TAS2R1: variants seen among roughly 807,000 people sequenced by gnomAD.
TAS2R1 encodes the protein taste 2 receptor member 1.
For missense variants in TAS2R1, 370 were observed against 353.4 expected, an observed-to-expected ratio of 1.05 and a Z score of -0.38; for synonymous variants, 141 against 134.2, an observed-to-expected ratio of 1.05 and a Z score of -0.35.
chr5:9,813,899 C>T, the TAS2R1 span, among the ~76,000 whole-genome samples: 1 of 152,166 alleles, frequency 6.6e-6, no homozygotes, highest in South Asian at 2.1e-4. Context: ...TCTCTTTTCC[C>T]ATTTGCAGAC....
the TAS2R1 span, among the ~76,000 whole-genome samples, chr5:9,859,273 C>T: frequency 2.0e-5 from 3 of 152,054 alleles, no homozygotes; most frequent in Admixed American, 1.3e-4. Context: ...AATAAAGCCA[C>T]GAAAGAAACC....
chr5:9,643,702 T>C (rs754911061), intron 2 of TAS2R1, among the ~76,000 whole-genome samples: 2 of 152,206 alleles, frequency 1.3e-5, no homozygotes, highest in Non-Finnish European at 2.9e-5. Flanking sequence ...TGCAGTCCAC[T>C]GTTGATGTAA....
At chr5:9,853,433 T>C in the TAS2R1 span, among the ~76,000 whole-genome samples, 1 of 152,150 alleles carries the variant, frequency 6.6e-6, no homozygotes, top group African/African-American at 2.4e-5. Context: ...GAATGGTAAC[T>C]TTCAGGACAT....
At chr5:9,851,523 T>G in the TAS2R1 span, among the ~76,000 whole-genome samples, 1 of 151,396 alleles carries the variant, frequency 6.6e-6, no homozygotes, top group Non-Finnish European at 1.5e-5. Flanking sequence ...GATTTGTTTT[T>G]TTTTTTTTTT....
chr5:9,873,913 AAAG>A, the TAS2R1 span, among the ~76,000 whole-genome samples: 2 of 150,002 alleles, frequency 1.3e-5, no homozygotes, highest in Admixed American at 6.6e-5. Flanking sequence ...ACGGGGAAAA[AAAG>A]AAAAGAAAAG....
chr5:9,758,718 T>A, the TAS2R1 span, among the ~76,000 whole-genome samples: 2 of 152,160 alleles, frequency 1.3e-5, no homozygotes, highest in South Asian at 4.1e-4. Context: ...AAGGTTAAAC[T>A]TCTACAGCCA....
the TAS2R1 span, among the ~76,000 whole-genome samples, chr5:9,861,027 G>A: frequency 3.8e-5 from 2 of 52,904 alleles, no homozygotes; most frequent in Admixed American, 3.8e-4. Flanking sequence ...GGACAATCTG[G>A]GAAGATGAGG....
intron 1 of TAS2R1, among the ~76,000 whole-genome samples, chr5:9,710,637 C>T (rs925754352): frequency 6.6e-6 from 1 of 151,820 alleles, no homozygotes; most frequent in Non-Finnish European, 1.5e-5. Flanking sequence ...TGATAAGAGG[C>T]TAATATCTAA....
the TAS2R1 span, among the ~76,000 whole-genome samples, chr5:9,898,543 G>T: frequency 1.3e-5 from 2 of 152,216 alleles, no homozygotes; most frequent in Non-Finnish European, 2.9e-5. Flanking sequence ...CACCATGAAA[G>T]CAGGTTACAG....
At chr5:9,869,584 G>A in the TAS2R1 span, among the ~76,000 whole-genome samples, 1 of 152,128 alleles carries the variant, frequency 6.6e-6, no homozygotes, top group Non-Finnish European at 1.5e-5. Flanking sequence ...GTACCTATGT[G>A]ATCAGCCCCC....
chr5:9,795,268 A>G, the TAS2R1 span, among the ~76,000 whole-genome samples: 1 of 152,166 alleles, frequency 6.6e-6, no homozygotes, highest in Non-Finnish European at 1.5e-5. Context: ...GCACCTTACT[A>G]ACATCATGAT....
At chr5:9,741,229 G>T in the TAS2R1 span, among the ~76,000 whole-genome samples, 3 of 152,138 alleles carry the variant, frequency 2.0e-5, no homozygotes, top group African/African-American at 7.2e-5. Flanking sequence ...GACCCAGAGA[G>T]AACAATCAGA....
At chr5:9,789,170 AGGAGCCTGGGAAAGGTATTT>A in the TAS2R1 span, among the ~76,000 whole-genome samples, 1 of 152,222 alleles carries the variant, frequency 6.6e-6, no homozygotes, top group Non-Finnish European at 1.5e-5. Flanking sequence ...GCATCAACCC[AGGAGCCTGGGAAAGGTATTT>A]GATACAAAGC....
the TAS2R1 span, among the ~76,000 whole-genome samples, chr5:9,819,742 G>T: frequency 3.3e-5 from 5 of 152,058 alleles, no homozygotes; most frequent in African/African-American, 1.2e-4. Flanking sequence ...AACCTCCACA[G>T]CAGGCAAGCT....
the TAS2R1 span, among the ~76,000 whole-genome samples, chr5:9,768,557 T>A: frequency 6.6e-6 from 1 of 152,164 alleles, no homozygotes; most frequent in African/African-American, 2.4e-5. Context: ...AGCCACTGCA[T>A]CTTTCCTCCT....
the TAS2R1 span, among the ~76,000 whole-genome samples, chr5:9,752,948 C>T: frequency 2.0e-5 from 3 of 152,150 alleles, no homozygotes; most frequent in Non-Finnish European, 4.4e-5. Flanking sequence ...CAGTCTATCA[C>T]TGTTGGACAT....
At chr5:9,859,988 T>G in the TAS2R1 span, among the ~76,000 whole-genome samples, 1 of 152,266 alleles carries the variant, frequency 6.6e-6, no homozygotes, top group Non-Finnish European at 1.5e-5. Context: ...TTATTGCCAC[T>G]GAAAGTCTAA....
intron 1 of TAS2R1, among the ~76,000 whole-genome samples, chr5:9,704,876 A>G (rs1256133334): frequency 6.6e-6 from 1 of 152,258 alleles, no homozygotes; most frequent in Non-Finnish European, 1.5e-5. Flanking sequence ...ATCAGAATGC[A>G]AAATGCACAT....
At chr5:9,645,839 C>A (rs1350499637) in intron 2 of TAS2R1, among the ~76,000 whole-genome samples, 4 of 152,114 alleles carry the variant, frequency 2.6e-5, no homozygotes, top group Admixed American at 6.6e-5. Flanking sequence ...AAAGAGAAAG[C>A]AAGACCATGT....
Sources: allele counts gnomAD v4.1 joint callset (sites outside exome capture counted in the v4.1 genomes callset), GRCh38; gene constraint gnomAD v4.1.1; transcripts MANE v1.5; gene names NCBI Gene and HGNC (gene_info 2026-07-23, HGNC 2026-07-21).